CATSPERT: variants seen among roughly 807,000 people sequenced by gnomAD.
CATSPERT encodes cation channel sperm-associated targeting subunit tau.
At chr2:201,537,321 C>A in the CATSPERT span, 1 of 826,692 alleles carries the variant, frequency 1.2e-6, no homozygotes, top group African/African-American at 1.7e-5. Flanking sequence ...AACCATAAAA[C>A]AACTGAGTAA....
chr2:201,538,320 C>T, the CATSPERT span, among the ~76,000 whole-genome samples: 4,382 of 152,152 alleles, frequency 0.029, 115 homozygotes, highest in African/African-American at 0.071. Flanking sequence ...GGTCCATCCA[C>T]GTTGTCACAT....
At chr2:201,607,666 T>C in the CATSPERT span, among the ~76,000 whole-genome samples, 1 of 152,078 alleles carries the variant, frequency 6.6e-6, no homozygotes, top group East Asian at 1.9e-4. Context: ...ACAAAATTAA[T>C]ATAAAGAAAG....
the CATSPERT span, among the ~76,000 whole-genome samples, chr2:201,583,328 T>C: frequency 6.6e-6 from 1 of 152,170 alleles, no homozygotes; most frequent in Non-Finnish European, 1.5e-5. Context: ...CTTCAGTGAA[T>C]GGAGAACCCC....
At chr2:201,546,932 G>A in the CATSPERT span, among the ~76,000 whole-genome samples, 1 of 152,098 alleles carries the variant, frequency 6.6e-6, no homozygotes, top group Non-Finnish European at 1.5e-5. Flanking sequence ...ATAATAGAAT[G>A]TTATCTGGAG....
chr2:201,558,018 G>C, the CATSPERT span: 6 of 152,072 alleles, frequency 3.9e-5, no homozygotes, highest in Admixed American at 2.0e-4. Context: ...TTTCTTACAG[G>C]CTTCTACCCC....
At chr2:201,494,545 G>T in the CATSPERT span, 6 of 1,536,810 alleles carry the variant, frequency 3.9e-6, no homozygotes, top group Non-Finnish European at 5.2e-6. Context: ...CATCTTTGTT[G>T]TGAAGATATT....
the CATSPERT span, among the ~76,000 whole-genome samples, chr2:201,581,720 T>A: frequency 1.3e-4 from 20 of 150,540 alleles, no homozygotes; most frequent in African/African-American, 4.7e-4. Flanking sequence ...GCAATTCTCC[T>A]GCCTCAGCCT....
At chr2:201,565,705 A>AT in the CATSPERT span, 318,890 of 1,274,244 alleles carry the variant, frequency 0.25, 12,377 homozygotes, top group African/African-American at 0.31. Flanking sequence ...GCTCTTTTGA[A>AT]TTTTTTTTTT....
the CATSPERT span, among the ~76,000 whole-genome samples, chr2:201,525,134 C>T: frequency 1.3e-5 from 2 of 152,164 alleles, no homozygotes; most frequent in Admixed American, 6.5e-5. Flanking sequence ...CTACAGAACT[C>T]TCTGCCCCAG....
the CATSPERT span, among the ~76,000 whole-genome samples, chr2:201,599,962 AAAAC>A: frequency 1.3e-5 from 2 of 152,198 alleles, no homozygotes; most frequent in Non-Finnish European, 2.9e-5. Context: ...TTCATTGCTT[AAAAC>A]AAACAAACAA....
the CATSPERT span, chr2:201,491,130 C>T: frequency 6.8e-7 from 1 of 1,475,296 alleles, no homozygotes; most frequent in East Asian, 2.5e-5. Context: ...CAGAACTTTG[C>T]CAAATACAGA....
At chr2:201,501,173 C>T in the CATSPERT span, among the ~76,000 whole-genome samples, 5 of 151,612 alleles carry the variant, frequency 3.3e-5, no homozygotes, top group South Asian at 2.1e-4. Context: ...CCAAAGTGGG[C>T]GGATCACCTG....
the CATSPERT span, among the ~76,000 whole-genome samples, chr2:201,544,821 C>CAA: frequency 1.8e-3 from 166 of 92,586 alleles, 4 homozygotes; most frequent in Non-Finnish European, 2.9e-3. Flanking sequence ...CCTGTCTCTA[C>CAA]AAAAAAAAAA....
the CATSPERT span, among the ~76,000 whole-genome samples, chr2:201,502,671 G>A: frequency 1.3e-5 from 2 of 151,648 alleles, no homozygotes; most frequent in Non-Finnish European, 2.9e-5. Flanking sequence ...CTGAGTAAAG[G>A]TTTCTCTTTA....
the CATSPERT span, among the ~76,000 whole-genome samples, chr2:201,488,980 G>C: frequency 6.6e-6 from 1 of 152,168 alleles, no homozygotes; most frequent in South Asian, 2.1e-4. Flanking sequence ...GATATAACTT[G>C]ATTACTGGAG....
the CATSPERT span, among the ~76,000 whole-genome samples, chr2:201,573,394 G>C: frequency 6.6e-6 from 1 of 152,206 alleles, no homozygotes; most frequent in Non-Finnish European, 1.5e-5. Context: ...AGGACCATAT[G>C]AGTACAAAAT....
chr2:201,493,941 A>G, the CATSPERT span: 5 of 1,537,082 alleles, frequency 3.3e-6, no homozygotes, highest in South Asian at 6.0e-5. Context: ...AATCTGCAGG[A>G]ATATTTTTAA....
the CATSPERT span, among the ~76,000 whole-genome samples, chr2:201,586,244 TA>T: frequency 1.3e-5 from 2 of 152,270 alleles, no homozygotes; most frequent in Middle Eastern, 3.4e-3. Flanking sequence ...ATTAGTAGTC[TA>T]CTGACTGGGG....
At chr2:201,581,571 TATATATATATATATATATATATAC>T in the CATSPERT span, among the ~76,000 whole-genome samples, 329 of 78,676 alleles carry the variant, frequency 4.2e-3, 29 homozygotes, top group African/African-American at 0.015. Context: ...TATATATATA[TATATATATATATATATATATATAC>T]ACATACATAT....
Sources: gnomAD v4.1 joint callset for allele counts (sites outside exome capture counted in the v4.1 genomes callset) on GRCh38, gnomAD v4.1.1 for gene constraint, MANE v1.5 for transcripts, NCBI Gene and HGNC (gene_info 2026-07-23, HGNC 2026-07-21) for gene names.